The following LGSN variants were observed in gnomAD, a reference collection of about 807,000 sequenced individuals.
LGSN encodes lengsin, lens protein with glutamine synthetase domain.
In LGSN, 21 loss-of-function variants were observed where a neutral mutation model predicts 19.5. That is an observed-to-expected ratio of 1.07 (90% CI 0.76 to 1.55). The LOEUF is 1.55. Ranked by LOEUF, LGSN falls within the 40% of genes most tolerant of loss-of-function variation. LGSN has a pLI of 0.00. For synonymous variants in LGSN, 257 were observed against 215.6 expected (o/e 1.19, Z -1.68); for missense variants, 673 against 608.5 (o/e 1.11, Z -1.12).
the LGSN span, among the ~76,000 whole-genome samples, chr6:63,375,228 C>G: frequency 6.6e-6 from 1 of 151,948 alleles, no homozygotes; most frequent in South Asian, 2.1e-4. Flanking sequence ...TTAAATATAT[C>G]CAGAGCTGAT....
Position 63,281,231 on chromosome 6 carries a change from A to G in LGSN, c.331-11T>C. ...ATGGCTCACTTTCTCCTAAAGAAGG[A>G]AAAAAATGAAGAAATTAGGTTTTGA... On this transcript the variant is annotated splice_polypyrimidine_tract_variant and intron_variant, in intron 3 of 3. Transcript: ENST00000370657. 6.9e-7 allele frequency: 1 copy of G among 1,453,998 alleles called. No individual in the cohort carries two copies. The highest frequency in any genetic ancestry group is 1.8e-4 in the Middle Eastern group (1 of 5,448). 90.1% of individuals were successfully genotyped at this position (1,453,998 alleles called of 1,614,324 possible). A position where few individuals can be genotyped will look rare whatever the true frequency, so the allele number is the denominator to read the frequency against.
the LGSN span, among the ~76,000 whole-genome samples, chr6:63,516,113 A>G: frequency 2.6e-5 from 4 of 152,218 alleles, no homozygotes; most frequent in South Asian, 2.1e-4. Flanking sequence ...TAAACCATCA[A>G]TAGAACAGCA....
intron 3 of LGSN, 81 bp from the exon 4 acceptor site, chr6:63,281,301 G>C: frequency 2.0e-5 from 2 of 99,302 alleles, no homozygotes; most frequent in Non-Finnish European, 1.8e-5. Flanking sequence ...CCTTGCTAAT[G>C]AAAATATATA....
the LGSN span, among the ~76,000 whole-genome samples, chr6:63,449,312 C>T: frequency 2.0e-5 from 3 of 151,878 alleles, no homozygotes; most frequent in Middle Eastern, 3.4e-3. Context: ...TTTGGGAGGC[C>T]GAGGCGGGCG....
the LGSN span, among the ~76,000 whole-genome samples, chr6:63,533,532 A>G: frequency 6.6e-6 from 1 of 152,232 alleles, no homozygotes; most frequent in Non-Finnish European, 1.5e-5. Flanking sequence ...TGCTCAAGAA[A>G]TAATGCTTAC....
At chr6:63,450,599 A>G in the LGSN span, among the ~76,000 whole-genome samples, 1 of 152,044 alleles carries the variant, frequency 6.6e-6, no homozygotes, top group East Asian at 1.9e-4. Context: ...GTTAGTAAAC[A>G]TGTTATCTAT....
At chr6:63,329,526 C>G in the LGSN span, among the ~76,000 whole-genome samples, 3 of 152,192 alleles carry the variant, frequency 2.0e-5, no homozygotes, top group Non-Finnish European at 4.4e-5. Flanking sequence ...AAGCCTTGAG[C>G]CTTCAAATGT....
the LGSN span, among the ~76,000 whole-genome samples, chr6:63,434,286 A>G: frequency 3.3e-5 from 5 of 151,228 alleles, no homozygotes; most frequent in East Asian, 9.7e-4. Flanking sequence ...TAAAAATACA[A>G]AAAATTAGCC....
chr6:63,331,605 G>A, the LGSN span, among the ~76,000 whole-genome samples: 10 of 152,136 alleles, frequency 6.6e-5, no homozygotes, highest in East Asian at 3.9e-4. Context: ...CCTGCTGATC[G>A]GAATAGTTGT....
the LGSN span, among the ~76,000 whole-genome samples, chr6:63,540,348 C>CAATG: frequency 6.6e-6 from 1 of 152,226 alleles, no homozygotes; most frequent in Admixed American, 6.5e-5. Context: ...AATCCAGGCA[C>CAATG]AATGGGTCAC....
the LGSN span, among the ~76,000 whole-genome samples, chr6:63,542,022 G>GGTGT: frequency 0.26 from 38,499 of 146,532 alleles, 5,018 homozygotes; most frequent in Admixed American, 0.31. Context: ...AAGAAACTGT[G>GGTGT]GTGTGTGTGT....
At chr6:63,529,534 C>A in the LGSN span, among the ~76,000 whole-genome samples, 1 of 152,128 alleles carries the variant, frequency 6.6e-6, no homozygotes, top group Non-Finnish European at 1.5e-5. Flanking sequence ...TCCTTTTCTA[C>A]CTCTCTCGCT....
chr6:63,556,016 C>T, the LGSN span, among the ~76,000 whole-genome samples: 10 of 151,896 alleles, frequency 6.6e-5, no homozygotes, highest in Non-Finnish European at 2.9e-5. Flanking sequence ...TATTATTCAG[C>T]CTTTCTTTGG....
the LGSN span, among the ~76,000 whole-genome samples, chr6:63,371,834 C>T: frequency 6.6e-6 from 1 of 152,150 alleles, no homozygotes; most frequent in South Asian, 2.1e-4. Context: ...AAATAGAGGC[C>T]CAGAGTAGTT....
chr6:63,568,765 G>A, the LGSN span, among the ~76,000 whole-genome samples: 33 of 151,908 alleles, frequency 2.2e-4, no homozygotes, highest in Non-Finnish European at 1.0e-4. Flanking sequence ...TATAAAATAG[G>A]CTGTTCTAAA....
At chr6:63,499,005 T>C in the LGSN span, among the ~76,000 whole-genome samples, 1 of 152,228 alleles carries the variant, frequency 6.6e-6, no homozygotes, top group African/African-American at 2.4e-5. Flanking sequence ...AATTATCATA[T>C]TGATGGTTTC....
At chr6:63,299,063 G>A (rs996891674) in intron 1 of LGSN, among the ~76,000 whole-genome samples, 6 of 151,504 alleles carry the variant, frequency 4.0e-5, no homozygotes, top group South Asian at 2.1e-4. Context: ...TATCCATACC[G>A]AGTCCACACA....
chr6:63,389,887 A>G, the LGSN span, among the ~76,000 whole-genome samples: 2 of 152,058 alleles, frequency 1.3e-5, no homozygotes, highest in South Asian at 4.1e-4. Context: ...AAGTGCATTA[A>G]TGTACATGCT....
chr6:63,516,750 G>A, the LGSN span, among the ~76,000 whole-genome samples: 2 of 152,182 alleles, frequency 1.3e-5, no homozygotes, highest in Non-Finnish European at 2.9e-5. Context: ...AATGGCATGT[G>A]CTACTTCTGG....
Sources: allele counts gnomAD v4.1 joint callset (sites outside exome capture counted in the v4.1 genomes callset), GRCh38; gene constraint gnomAD v4.1.1; transcripts MANE v1.5; gene names NCBI Gene and HGNC (gene_info 2026-07-23, HGNC 2026-07-21).